FGG: variants seen among roughly 807,000 people sequenced by gnomAD.
The protein encoded by FGG is fibrinogen gamma chain, also known as fibrinogen, gamma polypeptide.
FGG carries 20 observed loss-of-function variants against 51.7 expected under a neutral mutation model. The ratio of observed to expected loss-of-function variants is 0.39; its 90% CI spans 0.27 to 0.56. The LOEUF is 0.56. Among genes scored for constraint, FGG ranks in the 20% least tolerant of loss-of-function variants. The pLI is 0.64. For synonymous variants in FGG, 184 were observed against 184.7 expected, an observed-to-expected ratio of 1.00 and a Z score of 0.03; for missense variants, 460 against 534.2, an observed-to-expected ratio of 0.86 and a Z score of 1.37.
intron 4 of FGG, chr4:154,611,228 TTA>T (rs1232321886): frequency 6.6e-6 from 1 of 152,124 alleles, no homozygotes; most frequent in Non-Finnish European, 1.5e-5. Flanking sequence ...TTCAGAAAGT[TTA>T]TGAGTCCCTG....
chr4:154,611,742 G>C lies in FGG; in HGVS notation c.401+63C>G, dbSNP rs72681242. 2.9e-3 allele frequency: 3,148 copies of C among 1,081,628 alleles called. 19 individuals carry two copies. Among genetic ancestry groups the C allele is most frequent in the Non-Finnish European group, 3.2e-3 (2,317 of 730,614 alleles). The allele number at this position is 1,081,628 out of a possible 1,614,324, so 67.0% of individuals were successfully genotyped here. On this transcript the variant is annotated intron_variant, in intron 4 of 8. Transcript: ENST00000336098. ...CACATTAAAAATTACTTTCACTCAA[G>C]TATAGAATATTAAATAAAAACTAAA...
At position 154,604,576 on chromosome 4, in the gene FGG, T is replaced by A; in HGVS notation, c.*258A>T. ...AATAAATGACAAGTGGTCATAAAAA[T>A]GCAAATAAAGTCAATCATTTTATTA... On this transcript the variant is annotated 3_prime_UTR_variant, in exon 9 of 9. Transcript: ENST00000336098. 8.4e-7 allele frequency: 1 copy of A among 1,194,190 alleles called. No homozygotes were observed. The highest frequency in any genetic ancestry group is 2.2e-5 in the South Asian group (1 of 46,430). 74.0% of individuals were successfully genotyped at this position (1,194,190 alleles called of 1,614,324 possible).
At position 154,604,492 on chromosome 4, in the gene FGG, C is replaced by T; in HGVS notation, c.*342G>A. ...GAATTTGAAACTCTAAAATGTTCTC[C>T]TATTTTATTAAGTACATACTAAAAT... On this transcript the variant is annotated 3_prime_UTR_variant, in exon 9 of 9. Transcript: ENST00000336098. 9.2e-7 allele frequency: 1 copy of T among 1,089,258 alleles called. No homozygotes were observed. Among genetic ancestry groups the T allele is most frequent in the Non-Finnish European group, 1.3e-6 (1 of 792,596 alleles). 67.5% of individuals were successfully genotyped at this position (1,089,258 alleles called of 1,614,324 possible).
At chr4:154,611,757 T>C (rs759119939) in intron 4 of FGG, 48 bp downstream of exon 4, 1 of 1,268,554 alleles carries the variant, frequency 7.9e-7, no homozygotes, top group South Asian at 1.3e-5. Flanking sequence ...GAATATTAAA[T>C]AAAAACTAAA....
At chr4:154,606,615 T>C in intron 8 of FGG, 90 bp downstream of exon 8, 1 of 1,360,884 alleles carries the variant, frequency 7.3e-7, no homozygotes, top group South Asian at 1.3e-5. Flanking sequence ...CTTTATAAAT[T>C]ATTCTTCATT....
At chr4:154,612,344 C>T (rs752269130) in intron 2 of FGG, 47 bp downstream of exon 2, 1 of 1,600,542 alleles carries the variant, frequency 6.2e-7, no homozygotes, top group East Asian at 2.2e-5. Flanking sequence ...TATTCCTCTG[C>T]CCCTCTCCAG....
intron 5 of FGG, 33 bp from the exon 6 acceptor site, chr4:154,609,796 T>C: frequency 6.2e-7 from 1 of 1,613,974 alleles, no homozygotes; most frequent in Non-Finnish European, 8.5e-7. Context: ...TACTGTGGTT[T>C]GAAATGCAGG....
In FGG at chr4:154,604,726, T is replaced by C; in HGVS notation, c.*108A>G. The C allele has an allele frequency of 6.4e-7, 1 of 1,554,872 alleles. No individual in the cohort carries two copies. Among genetic ancestry groups the C allele is most frequent in the African/African-American group, 1.4e-5 (1 of 73,416 alleles). ...TTTAATTTCCATTGAAGGCTAAATG[T>C]CCTTAATAGAAGACTTGAAATCAAT... is the stretch of plus-strand genomic sequence containing the variant. On this transcript the variant is annotated 3_prime_UTR_variant, in exon 9 of 9. Coordinates refer to ENST00000336098, the MANE Select transcript of FGG (RefSeq NM_021870.3).
intron 7 of FGG, among the ~76,000 whole-genome samples, chr4:154,607,590 T>C (rs575479607): frequency 4.2e-4 from 64 of 152,192 alleles, no homozygotes; most frequent in African/African-American, 1.5e-3. Flanking sequence ...CTGGAAAAAA[T>C]TGTGCAAGTG....
In FGG at chr4:154,607,410, C is replaced by T. The variant is rs557337604; in HGVS notation, c.852-428G>A. 2.6e-5 allele frequency among the ~76,000 whole-genome samples: 4 copies of T among 152,266 alleles called. No individual in the cohort carries two copies. In the South Asian group the frequency reaches 8.3e-4, roughly 32 times the overall value. ...TATTGCACAAAACTTGAAGGAGGTA[C>T]AGTTCCATTAGCCACTCATAGCACC... On this transcript the variant is annotated intron_variant, in intron 7 of 8. Transcript: ENST00000336098.
chr4:154,605,926 A>G (rs3928913), intron 8 of FGG, among the ~76,000 whole-genome samples: 1 of 151,744 alleles, frequency 6.6e-6, no homozygotes, highest in Non-Finnish European at 1.5e-5. Context: ...GGGAAGTCCT[A>G]CTGATGCTAA....
At chr4:154,605,255 T>C (rs777502191) in intron 8 of FGG, among the ~76,000 whole-genome samples, 189 bp from the exon 9 acceptor site, 19 of 152,152 alleles carry the variant, frequency 1.2e-4, no homozygotes, top group Non-Finnish European at 2.5e-4. Context: ...TTAAACAACA[T>C]CTGTGCTGTG....
chr4:154,604,683 A>G lies in FGG; in HGVS notation c.*151T>C. The G allele has an allele frequency of 6.9e-7, 1 of 1,447,922 alleles. No individual in the cohort carries two copies. Among genetic ancestry groups the G allele is most frequent in the South Asian group, 1.5e-5 (1 of 66,622 alleles). 89.7% of individuals were successfully genotyped at this position (1,447,922 alleles called of 1,614,324 possible). On this transcript the variant is annotated 3_prime_UTR_variant, in exon 9 of 9. Transcript: ENST00000336098. ...TAACTCTGATATCAGTAATTTGGAA[A>G]TACAGTCCTAAATGAGTTTTAATTT...
rs148688900 is a variant in FGG at position 154,609,666 on chromosome 4, G to T, written c.630C>A (p.Ile210=). 50 of 1,613,900 alleles carry T rather than the reference G, an allele frequency of 3.1e-5. No individual in the cohort carries two copies. Among genetic ancestry groups the T allele is most frequent in the Non-Finnish European group, 4.2e-5 (50 of 1,179,902 alleles). ...ANQQFLVYCE[I]DGSGNGWTVF... The stretch of plus-strand genomic sequence containing the variant: ...CAGTCCATCCATTTCCAGACCCATC[G>T]ATTTCACAGTAGACTAAGAATTGCT... The change falls in exon 6 of 9, where the codon ATC becomes ATA. Residue 210 remains isoleucine (I), a synonymous_variant. Coordinates refer to ENST00000336098, the MANE Select transcript of FGG (RefSeq NM_021870.3).
In FGG at chr4:154,610,175, A is replaced by C. The variant is rs965542797; in HGVS notation, c.424T>G (p.Ser142Ala). Residue 142 changes from serine to alanine, a missense_variant, in exon 5 of 9, where the codon TCA (serine) becomes GCA (alanine). Coordinates refer to ENST00000336098, the MANE Select transcript of FGG (RefSeq NM_021870.3). ...SIRYLQEIYN[S>A]NNQKIVNLKE... is the part of the protein sequence containing the mutation. ...AGGTTAACAATCTTTTGATTATTTG[A>C]ATTATATATTTCCTGCAAATATCTA... The C allele has an allele frequency of 5.0e-6, 8 of 1,588,494 alleles. No homozygotes were observed. Among genetic ancestry groups the C allele is most frequent in the Non-Finnish European group, 6.1e-6 (7 of 1,157,010 alleles).
rs752672374 is a variant in FGG, at chr4:154,611,867, C to T, written c.339G>A (p.Arg113=). The change falls in exon 4 of 9, where the codon AGG becomes AGA. Residue 113 remains arginine (R), a synonymous_variant. Coordinates refer to ENST00000336098, the MANE Select transcript of FGG (RefSeq NM_021870.3). ...ATTTCATAATTTCTTCTAACATTTT[C>T]CTGGACTTCAAAGTAGCAGCGTCTA... ...NMIDAATLKS[R]KMLEEIMKYE... is the part of the protein sequence containing the mutation. 9.3e-6 allele frequency: 15 copies of T among 1,612,088 alleles called. No individual in the cohort carries two copies. The Admixed American group carries it at 1.8e-4, about 20-fold the overall frequency.
intron 6 of FGG, 136 bp from the exon 7 acceptor site, chr4:154,608,786 C>T: frequency 1.4e-6 from 1 of 736,512 alleles, no homozygotes; most frequent in Non-Finnish European, 2.3e-6. Flanking sequence ...GCCAAGCTAC[C>T]TCAGTTTCCT....
chr4:154,604,969 A>G lies in FGG; in HGVS notation c.1227T>C (p.Thr409=). The stretch of plus-strand genomic sequence containing the variant: ...GTCTGTTGAATGGGATTATCTTCAT[A>G]GTGGTTTTCTTCATGGAATACCACC... The part of the protein sequence containing the change: ...KTRWYSMKKT[T]MKIIPFNRLT... The change falls in exon 9 of 9, where the codon ACT becomes ACC. Residue 409 remains threonine, a synonymous_variant. Coordinates refer to ENST00000336098, the MANE Select transcript of FGG (RefSeq NM_021870.3). 6.2e-7 allele frequency: 1 copy of G among 1,614,100 alleles called. No individual in the cohort carries two copies. The highest frequency in any genetic ancestry group is 8.5e-7 in the Non-Finnish European group (1 of 1,179,996).
chr4:154,610,275 TC>T, intron 4 of FGG, 78 bp from the exon 5 acceptor site: 1 of 1,184,288 alleles, frequency 8.4e-7, no homozygotes, highest in Admixed American at 2.0e-5. Flanking sequence ...TTTTATATTT[TC>T]TTTGGAAACT....
Sources: allele counts gnomAD v4.1 joint callset (sites outside exome capture counted in the v4.1 genomes callset), GRCh38; gene constraint gnomAD v4.1.1; transcripts MANE v1.5; gene names NCBI Gene and HGNC (gene_info 2026-07-23, HGNC 2026-07-21).